The following CSMD1 variants were observed in gnomAD, a reference collection of about 807,000 sequenced individuals.
CSMD1 encodes CUB and Sushi multiple domains 1, also known as CUB and sushi domain-containing protein 1.
Under a neutral mutation model 417.5 loss-of-function variants are expected in CSMD1, and 213 were observed. The observed-to-expected ratio is 0.51, with a 90% CI of 0.46 to 0.57. CSMD1 has a LOEUF of 0.57. Ranked by LOEUF, CSMD1 falls within the 20% of genes least tolerant of loss-of-function variation. The probability of loss-of-function intolerance (pLI) is 0.00; values close to 1 mark genes in which losing one functional copy is unlikely to be tolerated. For synonymous variants in CSMD1, 2,862 were observed against 1,736.8 expected (o/e 1.65, Z -16.11); for missense variants, 6,923 against 4,529.7 (o/e 1.53, Z -15.17).
chr8:4,591,028 T>C (rs1027889554), intron 2 of CSMD1, among the ~76,000 whole-genome samples: 2 of 152,210 alleles, frequency 1.3e-5, no homozygotes, highest in African/African-American at 2.4e-5. Flanking sequence ...TGTCAATCAA[T>C]TGCATGTTTC....
At position 3,213,445 on chromosome 8, in the gene CSMD1, A is replaced by T. The variant is rs556010085; in HGVS notation, c.4867+1052T>A. Among the ~76,000 whole-genome samples, 4 of 152,278 alleles carry T rather than the reference A, an allele frequency of 2.6e-5. No homozygotes were observed. In the South Asian group the frequency reaches 8.3e-4, roughly 32 times the overall value. Reference sequence around the variant, plus strand: ...TATGCACCCTGGCCAGCAGCCAGGAAGTCTACCCTCCCACTCTTCCCAGTT... The same window carrying T: ...TATGCACCCTGGCCAGCAGCCAGGATGTCTACCCTCCCACTCTTCCCAGTT... On this transcript the variant is annotated intron_variant, in intron 30 of 69. Coordinates refer to ENST00000635120, the MANE Select transcript of CSMD1 (RefSeq NM_033225.6).
At chr8:3,816,861 G>C (rs1010656862) in intron 5 of CSMD1, among the ~76,000 whole-genome samples, 2 of 152,024 alleles carry the variant, frequency 1.3e-5, no homozygotes, top group Non-Finnish European at 2.9e-5. Context: ...ATATTTCTCA[G>C]GGGTAAGGGG....
intron 3 of CSMD1, among the ~76,000 whole-genome samples, chr8:4,411,815 A>C (rs935853909): frequency 6.6e-6 from 1 of 152,210 alleles, no homozygotes; most frequent in Non-Finnish European, 1.5e-5. Context: ...TCACATAGCT[A>C]TGCAAATACT....
At chr8:3,389,516 G>A (rs1433367223) in intron 17 of CSMD1, among the ~76,000 whole-genome samples, 2 of 152,174 alleles carry the variant, frequency 1.3e-5, no homozygotes, top group Non-Finnish European at 2.9e-5. Flanking sequence ...AAAAAAAACA[G>A]TTAACTAAAT....
intron 15 of CSMD1, among the ~76,000 whole-genome samples, chr8:3,404,752 A>G (rs555218945): frequency 5.3e-5 from 8 of 151,326 alleles, no homozygotes; most frequent in Admixed American, 2.6e-4. Flanking sequence ...ATCATGAGAT[A>G]TGTATGTATT....
intron 5 of CSMD1, among the ~76,000 whole-genome samples, chr8:3,983,864 C>G (rs1451202387): frequency 6.6e-6 from 1 of 151,718 alleles, no homozygotes; most frequent in South Asian, 2.1e-4. Context: ...AACTCTAGAG[C>G]ACACAGCAGA....
intron 2 of CSMD1, among the ~76,000 whole-genome samples, chr8:4,552,463 C>A (rs971729358): frequency 1.3e-5 from 2 of 151,940 alleles, no homozygotes; most frequent in African/African-American, 4.8e-5. Context: ...GAAATAGTAC[C>A]AAGAACAGAT....
chr8:4,023,583 CTTTTT>C (rs35976423), intron 4 of CSMD1, among the ~76,000 whole-genome samples: 1 of 130,500 alleles, frequency 7.7e-6, no homozygotes, highest in Non-Finnish European at 1.6e-5. Context: ...TGCTTTTCAA[CTTTTT>C]TTTTTTTTTT....
chr8:3,649,015 C>T (rs1026601536), intron 7 of CSMD1, among the ~76,000 whole-genome samples: 3 of 152,150 alleles, frequency 2.0e-5, no homozygotes, highest in Admixed American at 6.5e-5. Context: ...AAGGTATGTA[C>T]TGTCCAAGGT....
At chr8:4,787,472 G>T (rs564143642) in intron 1 of CSMD1, 1 of 820,954 alleles carries the variant, frequency 1.2e-6, no homozygotes, top group African/African-American at 1.7e-5. Flanking sequence ...GGAAGGAAAA[G>T]CTGCAATCTC....
chr8:4,963,715 C>A (rs1421912667), intron 1 of CSMD1, among the ~76,000 whole-genome samples: 1 of 152,036 alleles, frequency 6.6e-6, no homozygotes, highest in African/African-American at 2.4e-5. Flanking sequence ...CTTCTTTGAC[C>A]ATACAATTTT....
chr8:3,828,492 T>A (rs1335644746), intron 5 of CSMD1, among the ~76,000 whole-genome samples: 1 of 152,230 alleles, frequency 6.6e-6, no homozygotes, highest in African/African-American at 2.4e-5. Flanking sequence ...TTGATCTTTA[T>A]CAGTGTTTCC....
intron 1 of CSMD1, among the ~76,000 whole-genome samples, chr8:4,827,599 G>A (rs939392927): frequency 1.3e-5 from 2 of 152,140 alleles, no homozygotes; most frequent in Non-Finnish European, 2.9e-5. Flanking sequence ...TTTCTTTGAG[G>A]AGCTTGTGTC....
intron 4 of CSMD1, among the ~76,000 whole-genome samples, chr8:4,001,207 G>C (rs1445339335): frequency 6.6e-6 from 1 of 152,168 alleles, no homozygotes; most frequent in Non-Finnish European, 1.5e-5. Context: ...AGAATAAGAA[G>C]CTTAACCGAT....
At chr8:3,889,667 G>C (rs1240891203) in intron 5 of CSMD1, among the ~76,000 whole-genome samples, 1 of 151,236 alleles carries the variant, frequency 6.6e-6, no homozygotes, top group East Asian at 2.0e-4. Flanking sequence ...CCTATCTACT[G>C]TCTATCTGCA....
chr8:4,064,729 T>A (rs1799156125), intron 3 of CSMD1, among the ~76,000 whole-genome samples: 1 of 152,200 alleles, frequency 6.6e-6, no homozygotes. Context: ...GTACTCAACC[T>A]TCACAACCGA....
At chr8:4,730,294 TC>T (rs1329356814) in intron 1 of CSMD1, among the ~76,000 whole-genome samples, 8 of 152,178 alleles carry the variant, frequency 5.3e-5, no homozygotes, top group Non-Finnish European at 8.8e-5. Context: ...TGAAGACAGT[TC>T]ATTAATCAAA....
At chr8:4,616,936 G>T (rs906990904) in intron 2 of CSMD1, among the ~76,000 whole-genome samples, 3 of 148,468 alleles carry the variant, frequency 2.0e-5, no homozygotes, top group Non-Finnish European at 4.4e-5. Flanking sequence ...AATTCTGATT[G>T]TATTGTCTTT....
chr8:4,728,923 G>A lies in CSMD1; in HGVS notation c.86-91365C>T, dbSNP rs559815944. ...GGAATTTGTCTTTGAGCATTACAAC[G>A]TTAAGGTAACCTGCCAGACGTCCAT... On this transcript the variant is annotated intron_variant, in intron 1 of 69. Coordinates refer to ENST00000635120, the MANE Select transcript of CSMD1 (RefSeq NM_033225.6). Among the ~76,000 whole-genome samples the A allele has an allele frequency of 3.9e-5, 6 of 152,276 alleles. No homozygotes were observed. The South Asian group carries it at 1.0e-3, about 26-fold the overall frequency.
Sources: gnomAD v4.1 joint callset for allele counts (sites outside exome capture counted in the v4.1 genomes callset) on GRCh38, gnomAD v4.1.1 for gene constraint, MANE v1.5 for transcripts, NCBI Gene and HGNC (gene_info 2026-07-23, HGNC 2026-07-21) for gene names.